MAGI3: variants seen among roughly 807,000 people sequenced by gnomAD.
MAGI3 encodes membrane-associated guanylate kinase, WW and PDZ domain-containing protein 3.
MAGI3 carries 43 observed loss-of-function variants against 121.8 expected under a neutral mutation model. The observed-to-expected ratio is 0.35, with a 90% CI of 0.28 to 0.46. The LOEUF (loss-of-function observed/expected upper bound fraction) is 0.46, where lower values mean the gene tolerates loss of function less well. MAGI3 is among the 20% of genes least tolerant of loss of function. MAGI3 has a pLI of 1.00. For missense variants in MAGI3, 1,547 were observed against 1,797.3 expected (o/e 0.86, Z 2.52); for synonymous variants, 553 against 639.3 (o/e 0.86, Z 2.04).
chr1:113,424,355 A>G (rs960770025), intron 1 of MAGI3, among the ~76,000 whole-genome samples: 16 of 152,222 alleles, frequency 1.1e-4, no homozygotes, highest in African/African-American at 3.4e-4. Flanking sequence ...GAACAGTTCC[A>G]TCACCAAAAG....
intron 1 of MAGI3, among the ~76,000 whole-genome samples, chr1:113,463,333 C>T (rs1655123094): frequency 6.6e-6 from 1 of 150,408 alleles, no homozygotes; most frequent in South Asian, 2.1e-4. Flanking sequence ...GAGAAGAGGG[C>T]CAAGAATAGA....
Position 113,510,355 on chromosome 1 carries a change from CT to C in MAGI3, c.317-39142del, listed in dbSNP as rs34379798. On this transcript the variant is annotated intron_variant, in intron 1 of 20. Coordinates refer to ENST00000307546, the MANE Select transcript of MAGI3 (RefSeq NM_001142782.2). ...AAATACATTTAATCCTAGGCCTTGA[CT>C]TTTTTTTTTTTTTTTTTACATTCTG... Among the ~76,000 whole-genome samples the C allele has an allele frequency of 9.1e-4, 122 of 133,380 alleles. 1 individual carries two copies. Among genetic ancestry groups the C allele is most frequent in the South Asian group, 1.9e-3 (8 of 4,144 alleles). 87.5% of individuals were successfully genotyped at this position (133,380 alleles called of 152,430 possible). A position where few individuals can be genotyped will look rare whatever the true frequency, so the allele number is the denominator to read the frequency against.
chr1:113,656,357 A>G (rs1653466710), intron 15 of MAGI3, among the ~76,000 whole-genome samples: 1 of 152,196 alleles, frequency 6.6e-6, no homozygotes, highest in South Asian at 2.1e-4. Context: ...TGGTTCAGAA[A>G]GGAGTTAGCA....
chr1:113,544,312 A>G (rs1659431086), intron 1 of MAGI3, among the ~76,000 whole-genome samples: 1 of 152,180 alleles, frequency 6.6e-6, no homozygotes, highest in African/African-American at 2.4e-5. Flanking sequence ...AGTTTGTAAT[A>G]TTGGTTGTGT....
chr1:113,577,803 G>C (rs1647745745), intron 2 of MAGI3, among the ~76,000 whole-genome samples: 1 of 152,170 alleles, frequency 6.6e-6, no homozygotes, highest in Non-Finnish European at 1.5e-5. Flanking sequence ...TGCCTAAATT[G>C]TGCCGTTAAT....
chr1:113,390,976 C>T lies in MAGI3; in HGVS notation c.-58C>T. 6.9e-7 allele frequency: 1 copy of T among 1,451,008 alleles called. No homozygotes were observed. The highest frequency in any genetic ancestry group is 9.1e-7 in the Non-Finnish European group (1 of 1,101,264). The allele number at this position is 1,451,008 out of a possible 1,614,324, so 89.9% of individuals were successfully genotyped here. On this transcript the variant is annotated 5_prime_UTR_variant, in exon 1 of 21. Transcript: ENST00000307546. ...CAGGGCCCCCGGGCTGAGACGGGGCCGGAGCGGCGCCCCGGCCGCCCGCGC... is the reference window on the plus strand; with the variant it reads ...CAGGGCCCCCGGGCTGAGACGGGGCTGGAGCGGCGCCCCGGCCGCCCGCGC...
chr1:113,536,158 T>A (rs369124352), intron 1 of MAGI3, among the ~76,000 whole-genome samples: 761 of 71,504 alleles, frequency 0.011, 5 homozygotes, highest in African/African-American at 0.023. Flanking sequence ...TTTTTTTTTT[T>A]TAAAAAAATT....
At chr1:113,517,219 A>G (rs1412735366) in intron 1 of MAGI3, among the ~76,000 whole-genome samples, 4 of 151,986 alleles carry the variant, frequency 2.6e-5, no homozygotes, top group Non-Finnish European at 5.9e-5. Flanking sequence ...AAAATATACC[A>G]TAGTAATATA....
At chr1:113,521,237 C>A (rs998101962) in intron 1 of MAGI3, among the ~76,000 whole-genome samples, 1 of 151,664 alleles carries the variant, frequency 6.6e-6, no homozygotes, top group Non-Finnish European at 1.5e-5. Flanking sequence ...AGGTGCCCAC[C>A]ACCACACTCA....
chr1:113,567,036 ATAAACCCTTACTTAGAT>A (rs1255198724), intron 2 of MAGI3, among the ~76,000 whole-genome samples: 12 of 151,814 alleles, frequency 7.9e-5, no homozygotes, highest in Non-Finnish European at 1.3e-4. Context: ...ACTAAAATTG[ATAAACCCTTACTTAGAT>A]TAAGAAAAAA....
At chr1:113,441,826 C>T (rs565502998) in intron 1 of MAGI3, among the ~76,000 whole-genome samples, 1 of 152,226 alleles carries the variant, frequency 6.6e-6, no homozygotes, top group South Asian at 2.1e-4. Flanking sequence ...TATGTTCTTT[C>T]CTATGAGTAC....
At chr1:113,497,240 C>G (rs1232015941) in intron 1 of MAGI3, among the ~76,000 whole-genome samples, 2 of 104,924 alleles carry the variant, frequency 1.9e-5, no homozygotes, top group Non-Finnish European at 4.1e-5. Context: ...CAGCTCCGGT[C>G]TACAGCTCCC....
At chr1:113,518,753 T>C (rs1232729794) in intron 1 of MAGI3, among the ~76,000 whole-genome samples, 1 of 152,192 alleles carries the variant, frequency 6.6e-6, no homozygotes, top group Non-Finnish European at 1.5e-5. Flanking sequence ...ATGTGTATTG[T>C]GTTTTGTCTC....
intron 2 of MAGI3, among the ~76,000 whole-genome samples, chr1:113,553,210 G>A (rs1346831857): frequency 6.6e-6 from 1 of 152,106 alleles, no homozygotes; most frequent in Non-Finnish European, 1.5e-5. Context: ...CTACTTAGAG[G>A]CACTTTCTGG....
At chr1:113,511,904 G>A (rs1349997971) in intron 1 of MAGI3, among the ~76,000 whole-genome samples, 2 of 152,166 alleles carry the variant, frequency 1.3e-5, no homozygotes, top group Non-Finnish European at 2.9e-5. Flanking sequence ...AGGAGCATTT[G>A]CTCCCAGGGG....
intron 1 of MAGI3, among the ~76,000 whole-genome samples, chr1:113,451,293 C>T (rs1654471849): frequency 6.6e-6 from 1 of 152,130 alleles, no homozygotes; most frequent in African/African-American, 2.4e-5. Flanking sequence ...TCATCGTAAA[C>T]AGCTTTGAGA....
chr1:113,533,004 G>A (rs928799769), intron 1 of MAGI3, among the ~76,000 whole-genome samples: 10 of 152,110 alleles, frequency 6.6e-5, no homozygotes, highest in African/African-American at 2.4e-4. Context: ...GGTGGTGTGT[G>A]GATTGTACCT....
intron 6 of MAGI3, among the ~76,000 whole-genome samples, chr1:113,606,597 T>C (rs926389812): frequency 6.6e-6 from 1 of 152,198 alleles, no homozygotes; most frequent in African/African-American, 2.4e-5. Context: ...TCCTTTGTTC[T>C]GAATTATATT....
intron 9 of MAGI3, among the ~76,000 whole-genome samples, chr1:113,636,284 T>G (rs1387917954): frequency 2.0e-5 from 3 of 152,228 alleles, no homozygotes; most frequent in African/African-American, 4.8e-5. Context: ...TGAATGTGTT[T>G]GCTCTTGCTT....
Sources: gnomAD v4.1 joint callset for allele counts (sites outside exome capture counted in the v4.1 genomes callset) on GRCh38, gnomAD v4.1.1 for gene constraint, MANE v1.5 for transcripts, NCBI Gene and HGNC (gene_info 2026-07-23, HGNC 2026-07-21) for gene names.